The following INTS13 variants were observed in gnomAD, a reference collection of about 807,000 sequenced individuals.
INTS13 encodes integrator complex subunit 13.
A neutral mutation model predicts 90.2 loss-of-function variants in INTS13; 35 were observed. That is an observed-to-expected ratio of 0.39 (90% CI 0.30 to 0.51). INTS13 has a LOEUF of 0.51. Ranked by LOEUF, INTS13 falls within the 20% of genes least tolerant of loss-of-function variation. The pLI is 0.80. For missense variants in INTS13, 601 were observed against 851.2 expected (o/e 0.71, Z 3.66); for synonymous variants, 309 against 277.1 (o/e 1.11, Z -1.14).
At chr12:26,912,113 CAT>C (rs544860804) in intron 14 of INTS13, among the ~76,000 whole-genome samples, 70 of 152,234 alleles carry the variant, frequency 4.6e-4, no homozygotes, top group African/African-American at 1.4e-3. Context: ...TCTTTTGCTA[CAT>C]ATGTTTGAAA....
At chr12:26,929,005 T>C (rs1266044502) in intron 3 of INTS13, 100 bp from the exon 4 acceptor site, 5 of 1,049,302 alleles carry the variant, frequency 4.8e-6, no homozygotes, top group Admixed American at 2.5e-5. Context: ...CTTACATATA[T>C]GGACATGAAC....
At chr12:26,915,131 C>G (rs986563361) in intron 11 of INTS13, among the ~76,000 whole-genome samples, 1 of 152,130 alleles carries the variant, frequency 6.6e-6, no homozygotes, top group Non-Finnish European at 1.5e-5. Flanking sequence ...GAAGCTGAGG[C>G]AGGAGAATCG....
At chr12:26,906,188 A>G in intron 16 of INTS13, 114 bp downstream of exon 16, 3 of 1,000,450 alleles carry the variant, frequency 3.0e-6, no homozygotes, top group Admixed American at 2.6e-5. Context: ...GGGAACATGT[A>G]TTAGTTCATA....
In INTS13 at chr12:26,906,399, T is replaced by C. The variant is rs369497577; in HGVS notation, c.1984A>G (p.Asn662Asp). Reference protein sequence around the residue: ...SLLSLWSNRINTANSRKHQEF... With the variant: ...SLLSLWSNRIDTANSRKHQEF... ...TGATGTTTTCTGGAATTGGCAGTAT[T>C]GATTCTATTACTCCACAAGGATAAT... The change falls in exon 16 of 17, where the codon AAT becomes GAT. Residue 662 changes from asparagine to aspartate, a missense_variant. Asn to Asp is a conservative substitution (Grantham distance 23, BLOSUM62 1). Around this residue, in one of 3 missense-constraint regions of INTS13, gnomAD observed 228 missense variants for 272.5 expected, o/e 0.84. Transcript: ENST00000261191. The C allele has an allele frequency of 6.2e-7, 1 of 1,612,734 alleles. No homozygotes were observed. The highest frequency in any genetic ancestry group is 8.5e-7 in the Non-Finnish European group (1 of 1,179,172).
At chr12:26,936,329 C>T (rs186320259) in intron 2 of INTS13, among the ~76,000 whole-genome samples, 54 of 152,238 alleles carry the variant, frequency 3.5e-4, no homozygotes, top group Admixed American at 2.7e-3. Context: ...ATGAGAATTA[C>T]GGAAATTAAT....
chr12:26,925,256 A>C (rs1389775186), intron 6 of INTS13, among the ~76,000 whole-genome samples: 1 of 152,118 alleles, frequency 6.6e-6, no homozygotes, highest in Non-Finnish European at 1.5e-5. Context: ...TCTAAACATA[A>C]ATTACTGATA....
At chr12:26,920,397 T>C (rs180845938) in intron 8 of INTS13, among the ~76,000 whole-genome samples, 2 of 131,884 alleles carry the variant, frequency 1.5e-5, no homozygotes, top group East Asian at 2.7e-4. Context: ...AAGGATATTT[T>C]TGACACTTTT....
At chr12:26,913,895 A>AT in intron 13 of INTS13, 79 bp downstream of exon 13, 2 of 1,338,234 alleles carry the variant, frequency 1.5e-6, no homozygotes, top group Non-Finnish European at 2.1e-6. Flanking sequence ...TAGAATTTAC[A>AT]TATGGAATAA....
At chr12:26,927,493 GAA>G (rs1190767282) in intron 5 of INTS13, among the ~76,000 whole-genome samples, 2 of 152,110 alleles carry the variant, frequency 1.3e-5, no homozygotes, top group East Asian at 3.8e-4. Flanking sequence ...TTCAGAAACA[GAA>G]AAAGTTTTTT....
At chr12:26,920,590 G>A (rs570843961) in intron 8 of INTS13, among the ~76,000 whole-genome samples, 6 of 152,004 alleles carry the variant, frequency 3.9e-5, no homozygotes, top group African/African-American at 9.6e-5. Context: ...TAGTAGAGAC[G>A]GGGTTTCACC....
At chr12:26,918,689 C>T (rs904384986) in intron 8 of INTS13, among the ~76,000 whole-genome samples, 9 of 152,098 alleles carry the variant, frequency 5.9e-5, no homozygotes, top group East Asian at 1.9e-4. Flanking sequence ...AAAGTAAATA[C>T]GTAAGAAGAT....
intron 5 of INTS13, among the ~76,000 whole-genome samples, 155 bp downstream of exon 5, chr12:26,928,049 TG>T (rs1937981406): frequency 6.8e-6 from 1 of 146,178 alleles, no homozygotes; most frequent in African/African-American, 2.5e-5. Context: ...AAAGGGAAAA[TG>T]GAAAAAAAAG....
intron 8 of INTS13, among the ~76,000 whole-genome samples, chr12:26,919,642 A>G (rs549504144): frequency 2.7e-5 from 4 of 150,156 alleles, no homozygotes; most frequent in Non-Finnish European, 6.0e-5. Flanking sequence ...AGAAAATGTG[A>G]TGATGGATTA....
intron 11 of INTS13, among the ~76,000 whole-genome samples, chr12:26,915,290 T>C (rs1024037683): frequency 6.6e-6 from 1 of 152,182 alleles, no homozygotes; most frequent in Non-Finnish European, 1.5e-5. Context: ...AATAGTTATC[T>C]GTGAATGATG....
chr12:26,907,675 A>G (rs1237942439), intron 15 of INTS13, among the ~76,000 whole-genome samples: 1 of 152,228 alleles, frequency 6.6e-6, no homozygotes, highest in Non-Finnish European at 1.5e-5. Context: ...AAATACTTGC[A>G]AATCACCTGT....
Position 26,917,434 on chromosome 12 carries a change from G to A in INTS13, c.987C>T (p.His329=). ...CTPRTNNIEL[H]YCTGAYRISP... ...AAATCCGATAAGCTCCAGTACAATA[G>A]TGTAATTCTGAAATAGAAGAAAACA... The change falls in exon 10 of 17, where the codon CAC becomes CAT. Residue 329 remains histidine (H), a synonymous_variant. Transcript: ENST00000261191. The A allele has an allele frequency of 2.6e-6, 4 of 1,522,478 alleles. No homozygotes were observed. The South Asian group carries it at 4.8e-5, about 18-fold the overall frequency. 94.3% of individuals were successfully genotyped at this position (1,522,478 alleles called of 1,614,324 possible). A position where few individuals can be genotyped will look rare whatever the true frequency, so the allele number is the denominator to read the frequency against.
chr12:26,915,116 C>T (rs1349669170), intron 11 of INTS13, among the ~76,000 whole-genome samples: 1 of 152,072 alleles, frequency 6.6e-6, no homozygotes. Flanking sequence ...ATCTTAGCTA[C>T]TCGGGAAGCT....
chr12:26,917,527 G>A (rs1951972227), intron 9 of INTS13, 86 bp from the exon 10 acceptor site: 2 of 1,210,958 alleles, frequency 1.7e-6, no homozygotes, highest in African/African-American at 1.5e-5. Flanking sequence ...TCTTCACTGA[G>A]TTCATTGAGT....
At chr12:26,924,694 T>C (rs951617593) in intron 6 of INTS13, among the ~76,000 whole-genome samples, 1 of 152,210 alleles carries the variant, frequency 6.6e-6, no homozygotes, top group African/African-American at 2.4e-5. Context: ...ATCAGTTTGC[T>C]AGATACCAGA....
Sources: allele counts gnomAD v4.1 joint callset (sites outside exome capture counted in the v4.1 genomes callset), GRCh38; gene constraint gnomAD v4.1.1; regional missense constraint gnomAD v4.1.1; transcripts MANE v1.5; gene names NCBI Gene and HGNC (gene_info 2026-07-23, HGNC 2026-07-21).